SFMBT2: variants seen among roughly 807,000 people sequenced by gnomAD.
SFMBT2 encodes Scm like with four mbt domains 2.
SFMBT2 carries 38 observed loss-of-function variants against 110.1 expected under a neutral mutation model. The ratio of observed to expected loss-of-function variants is 0.35; its 90% confidence interval spans 0.27 to 0.45. The LOEUF (loss-of-function observed/expected upper bound fraction) is 0.45, where lower values mean the gene tolerates loss of function less well. SFMBT2 is among the 20% of genes least tolerant of loss of function. The pLI, the probability that SFMBT2 is intolerant of heterozygous loss-of-function variation, is 1.00. For missense variants in SFMBT2, 1,011 were observed against 1,094.9 expected (o/e 0.92, Z 1.08); for synonymous variants, 425 against 425.4 (o/e 1.00, Z 0.01).
At chr10:7,223,263 GT>G (rs1257265611) in intron 10 of SFMBT2, among the ~76,000 whole-genome samples, 3 of 152,128 alleles carry the variant, frequency 2.0e-5, no homozygotes, top group Non-Finnish European at 4.4e-5. Context: ...GTGTGTGAGA[GT>G]TTTAGTTGCT....
In SFMBT2 at chr10:7,170,751, G is replaced by A. The variant is rs774662308; in HGVS notation, c.2544+177C>T. Among the ~76,000 whole-genome samples the A allele has an allele frequency of 1.3e-5, 2 of 152,114 alleles. No individual in the cohort carries two copies. Among genetic ancestry groups the A allele is most frequent in the Non-Finnish European group, 2.9e-5 (2 of 68,008 alleles). On this transcript the variant is annotated intron_variant, in intron 20 of 20. Transcript: ENST00000397167. This position sits in a 1 kb window ranked among gnomAD's most constrained non-coding sequence, Gnocchi z 4.6. ...GAGCAGGAATGAGGCTCTGTCTCTC[G>A]TCCCTGCCAGGCAGCTCTCAGCAGG...
rs1205723405 is a variant in SFMBT2, at chr10:7,301,412, G to A, written c.437-15458C>T. 1.3e-5 allele frequency among the ~76,000 whole-genome samples: 2 copies of A among 152,170 alleles called. No homozygotes were observed. Among genetic ancestry groups the A allele is most frequent in the South Asian group, 2.1e-4 (1 of 4,826 alleles). On this transcript the variant is annotated intron_variant, in intron 4 of 20. Transcript: ENST00000397167. The surrounding 1 kb of genome is among the most constrained non-coding windows in gnomAD (Gnocchi z 4.2). The stretch of plus-strand genomic sequence containing the variant: ...ATCAAGTGAGGAATGAAGAAAGCCC[G>A]AACTCATGAGACAGCGGAGGAAACC...
chr10:7,277,243 A>G (rs992648278), intron 6 of SFMBT2: 1 of 153,478 alleles, frequency 6.5e-6, no homozygotes, highest in Non-Finnish European at 1.4e-5. Context: ...ATTTGTATGC[A>G]TTTAGTTGGC....
chr10:7,379,793 G>A (rs978019476), intron 2 of SFMBT2, among the ~76,000 whole-genome samples: 1 of 152,116 alleles, frequency 6.6e-6, no homozygotes, highest in Admixed American at 6.5e-5. Context: ...AGTATACATG[G>A]GTTTTCTGCA....
chr10:7,211,264 T>C (rs1038497220), intron 11 of SFMBT2, among the ~76,000 whole-genome samples: 4 of 152,102 alleles, frequency 2.6e-5, no homozygotes, highest in African/African-American at 9.7e-5. Flanking sequence ...ATTCCCACCA[T>C]GTAGTAGCTG....
At chr10:7,195,955 C>T (rs1838753712) in intron 15 of SFMBT2, among the ~76,000 whole-genome samples, 1 of 152,140 alleles carries the variant, frequency 6.6e-6, no homozygotes, top group African/African-American at 2.4e-5. Context: ...TAAACTGTAA[C>T]CTCTACTTCC....
intron 4 of SFMBT2, among the ~76,000 whole-genome samples, chr10:7,312,651 T>C (rs1842891734): frequency 6.6e-6 from 1 of 152,222 alleles, no homozygotes; most frequent in Non-Finnish European, 1.5e-5. Flanking sequence ...AGACTGCAAC[T>C]GCCCGGAGAC....
chr10:7,196,600 A>G (rs928161053), intron 15 of SFMBT2, among the ~76,000 whole-genome samples: 1 of 152,160 alleles, frequency 6.6e-6, no homozygotes, highest in African/African-American at 2.4e-5. Flanking sequence ...GGCAGAGCCT[A>G]TTTCTTTTTT....
At chr10:7,226,995 T>C (rs1339501037) in intron 10 of SFMBT2, among the ~76,000 whole-genome samples, 1 of 152,188 alleles carries the variant, frequency 6.6e-6, no homozygotes, top group Non-Finnish European at 1.5e-5. Context: ...AAGCAATGCA[T>C]GACTGTAGTT....
chr10:7,219,400 A>T (rs147359866), intron 11 of SFMBT2, among the ~76,000 whole-genome samples: 2 of 152,370 alleles, frequency 1.3e-5, no homozygotes, highest in Non-Finnish European at 2.9e-5. Flanking sequence ...GGAATTGGCA[A>T]CACAATGATG....
intron 16 of SFMBT2, among the ~76,000 whole-genome samples, chr10:7,188,146 G>T (rs1474439850): frequency 6.6e-6 from 1 of 152,138 alleles, no homozygotes; most frequent in African/African-American, 2.4e-5. Context: ...CCCAGATTTT[G>T]CTGCCATTTA....
intron 1 of SFMBT2, among the ~76,000 whole-genome samples, chr10:7,383,566 T>C (rs1845489152): frequency 6.6e-6 from 1 of 152,168 alleles, no homozygotes; most frequent in East Asian, 1.9e-4. Flanking sequence ...TCAACCACAG[T>C]ACAAAGAAAG....
intron 4 of SFMBT2, among the ~76,000 whole-genome samples, chr10:7,304,957 A>G (rs1842651665): frequency 1.3e-5 from 2 of 152,230 alleles, no homozygotes; most frequent in Non-Finnish European, 2.9e-5. Context: ...GCATGGCAGG[A>G]GGACCAACAG....
At chr10:7,283,380 T>C (rs1842000829) in intron 6 of SFMBT2, among the ~76,000 whole-genome samples, 1 of 152,140 alleles carries the variant, frequency 6.6e-6, no homozygotes, top group Non-Finnish European at 1.5e-5. Flanking sequence ...TTGGTCAGAC[T>C]GGATTGTGGT....
At chr10:7,261,480 A>G (rs1841202287) in intron 7 of SFMBT2, among the ~76,000 whole-genome samples, 1 of 152,220 alleles carries the variant, frequency 6.6e-6, no homozygotes, top group Non-Finnish European at 1.5e-5. Flanking sequence ...CAGGGAGTGC[A>G]TGAATCAGTA....
chr10:7,167,502 T>C (rs1413619690), intron 20 of SFMBT2, among the ~76,000 whole-genome samples: 1 of 152,212 alleles, frequency 6.6e-6, no homozygotes, highest in Non-Finnish European at 1.5e-5. Flanking sequence ...GCGATGACCA[T>C]GCTGTGCACT....
intron 15 of SFMBT2, 92 bp from the exon 16 acceptor site, chr10:7,188,825 G>C: frequency 9.7e-7 from 1 of 1,027,152 alleles, no homozygotes; most frequent in Non-Finnish European, 1.5e-6. Context: ...CTGACATTTA[G>C]GAACAGCTCG....
At chr10:7,399,815 C>A (rs1564476114) in intron 1 of SFMBT2, among the ~76,000 whole-genome samples, 1 of 152,198 alleles carries the variant, frequency 6.6e-6, no homozygotes, top group South Asian at 2.1e-4. Context: ...TCTCATCTCC[C>A]ACTCAAGCAT....
At chr10:7,207,831 G>A (rs1047852134) in intron 11 of SFMBT2, among the ~76,000 whole-genome samples, 2 of 152,226 alleles carry the variant, frequency 1.3e-5, no homozygotes, top group African/African-American at 4.8e-5. Context: ...GTGTATCTCA[G>A]GTGCTCTGAA....
Sources: allele counts gnomAD v4.1 joint callset (sites outside exome capture counted in the v4.1 genomes callset), GRCh38; gene constraint gnomAD v4.1.1; non-coding constraint Gnocchi (gnomAD v3.1); transcripts MANE v1.5; gene names NCBI Gene and HGNC (gene_info 2026-07-23, HGNC 2026-07-21).